Variants in LYPD6B observed in about 807,000 individuals in gnomAD.
LYPD6B encodes the protein ly6/PLAUR domain-containing protein 6B.
LYPD6B carries 17 observed loss-of-function variants against 22.8 expected under a neutral mutation model. The observed-to-expected ratio is 0.75, with a 90% CI of 0.51 to 1.12. The LOEUF is 1.12. LYPD6B is among the 50% of genes most tolerant of loss of function. LYPD6B has a pLI of 0.00. For synonymous variants in LYPD6B, 106 were observed against 91.6 expected (o/e 1.16, Z -0.90); for missense variants, 221 against 258.3 (o/e 0.86, Z 0.99).
intron 1 of LYPD6B, among the ~76,000 whole-genome samples, chr2:149,128,226 C>G (rs1272846505): frequency 6.6e-6 from 1 of 152,098 alleles, no homozygotes; most frequent in Non-Finnish European, 1.5e-5. Flanking sequence ...TCACATCTGT[C>G]ATGTAACAAA....
chr2:149,167,193 A>G (rs1038946790), intron 3 of LYPD6B, among the ~76,000 whole-genome samples: 1 of 152,010 alleles, frequency 6.6e-6, no homozygotes. Flanking sequence ...CTCTCTCCAA[A>G]CAGTATTTTA....
At chr2:149,185,469 A>G (rs1385161758) in intron 3 of LYPD6B, among the ~76,000 whole-genome samples, 2 of 152,174 alleles carry the variant, frequency 1.3e-5, no homozygotes, top group Non-Finnish European at 1.5e-5. Flanking sequence ...GTTTTGGCAT[A>G]GGTGGTTTTA....
chr2:149,145,571 A>G (rs2105794799), intron 2 of LYPD6B, among the ~76,000 whole-genome samples: 2 of 152,336 alleles, frequency 1.3e-5, no homozygotes, highest in East Asian at 1.9e-4. Context: ...CAGGAGGGTC[A>G]CAAGGAAGGG....
intron 1 of LYPD6B, among the ~76,000 whole-genome samples, chr2:149,106,151 C>T (rs1381857256): frequency 6.6e-6 from 1 of 151,886 alleles, no homozygotes; most frequent in Admixed American, 6.6e-5. Context: ...CCTATGTGTT[C>T]ATGATATATT....
chr2:149,073,242 A>G (rs1465913531), intron 1 of LYPD6B, among the ~76,000 whole-genome samples: 2 of 152,188 alleles, frequency 1.3e-5, no homozygotes, highest in Non-Finnish European at 1.5e-5. Flanking sequence ...GGCCCAGCCC[A>G]GTATATCTCT....
At chr2:149,039,956 A>G (rs1417061626) in intron 1 of LYPD6B, among the ~76,000 whole-genome samples, 1 of 152,214 alleles carries the variant, frequency 6.6e-6, no homozygotes, top group African/African-American at 2.4e-5. Context: ...ATTGGGTCAC[A>G]TAAATGAAAA....
At chr2:149,194,025 T>C (rs1207258239) in intron 3 of LYPD6B, among the ~76,000 whole-genome samples, 1 of 152,208 alleles carries the variant, frequency 6.6e-6, no homozygotes, top group Non-Finnish European at 1.5e-5. Context: ...TATTTAATGA[T>C]GTGCTTTAGT....
intron 1 of LYPD6B, among the ~76,000 whole-genome samples, chr2:149,093,435 C>T (rs1315060003): frequency 1.3e-5 from 2 of 152,138 alleles, no homozygotes; most frequent in African/African-American, 4.8e-5. Flanking sequence ...TAAGACTGGG[C>T]ACAGTATTCG....
intron 5 of LYPD6B, among the ~76,000 whole-genome samples, chr2:149,209,975 A>G (rs77436732): frequency 0.27 from 40,831 of 151,978 alleles, 5,998 homozygotes; most frequent in Non-Finnish European, 0.31. Flanking sequence ...GCTTCTCTTT[A>G]CTAATTTATT....
At chr2:149,120,361 G>GTGTATA (rs796413041) in intron 1 of LYPD6B, among the ~76,000 whole-genome samples, 19 of 38,750 alleles carry the variant, frequency 4.9e-4, no homozygotes, top group African/African-American at 1.1e-3. Context: ...GTGTGTGTGT[G>GTGTATA]TATATATATA....
intron 3 of LYPD6B, among the ~76,000 whole-genome samples, chr2:149,180,034 G>A (rs1168377761): frequency 6.6e-6 from 1 of 152,152 alleles, no homozygotes; most frequent in Non-Finnish European, 1.5e-5. Flanking sequence ...TGTAACTGGC[G>A]AGAAACTGGG....
chr2:149,214,387 G>A (rs1045718672), intron 6 of LYPD6B, among the ~76,000 whole-genome samples, 159 bp from the exon 7 acceptor site: 3 of 152,106 alleles, frequency 2.0e-5, no homozygotes, highest in Non-Finnish European at 2.9e-5. Context: ...ATTGGTGGGG[G>A]AAGGGTACCC....
rs756231777 is a variant in LYPD6B, at chr2:149,213,087, G to T, written c.424G>T (p.Val142Phe). 2.1e-5 allele frequency: 34 copies of T among 1,613,894 alleles called. No individual in the cohort carries two copies. Among genetic ancestry groups the T allele is most frequent in the Middle Eastern group, 3.3e-4 (2 of 6,062 alleles). ...TGCCTCCAGAAGTGAATGTCATTTT[G>T]TCGGTTGCCACCACAGCCGAGATTC... is the stretch of plus-strand genomic sequence containing the variant. ...KCASRSECHF[V>F]GCHHSRDSEH... Residue 142 changes from valine (V) to phenylalanine (F), a missense_variant, in exon 6 of 7, where the codon GTC becomes TTC. Physicochemically the swap from Val to Phe is conservative, Grantham distance 50. Coordinates refer to ENST00000409642, the MANE Select transcript of LYPD6B (RefSeq NM_177964.5).
chr2:149,110,362 C>T (rs887123931), intron 1 of LYPD6B, among the ~76,000 whole-genome samples: 2 of 151,944 alleles, frequency 1.3e-5, no homozygotes, highest in Admixed American at 6.6e-5. Flanking sequence ...TCTTATCATG[C>T]CTACTAATCT....
intron 3 of LYPD6B, among the ~76,000 whole-genome samples, chr2:149,198,236 G>A (rs2106105332): frequency 6.6e-6 from 1 of 152,056 alleles, no homozygotes; most frequent in South Asian, 2.1e-4. Context: ...TAAAGACAGG[G>A]TTTCACCATG....
chr2:149,123,824 C>A (rs1033060647), intron 1 of LYPD6B, among the ~76,000 whole-genome samples: 8 of 152,212 alleles, frequency 5.3e-5, no homozygotes, highest in African/African-American at 1.7e-4. Context: ...TGCGCCACTG[C>A]ACTCCAGCCT....
intron 1 of LYPD6B, among the ~76,000 whole-genome samples, chr2:149,124,718 A>AT (rs577079826): frequency 4.8e-4 from 73 of 151,960 alleles, no homozygotes; most frequent in Non-Finnish European, 8.5e-4. Flanking sequence ...TGTGTTATGC[A>AT]TTTTTTTTCC....
At chr2:149,071,783 G>C (rs1386714225) in intron 1 of LYPD6B, among the ~76,000 whole-genome samples, 1 of 152,146 alleles carries the variant, frequency 6.6e-6, no homozygotes, top group Non-Finnish European at 1.5e-5. Flanking sequence ...GGGAATCAAA[G>C]AGCCACGAAG....
intron 3 of LYPD6B, among the ~76,000 whole-genome samples, chr2:149,168,194 A>G (rs1183899201): frequency 1.4e-5 from 2 of 142,924 alleles, no homozygotes; most frequent in African/African-American, 5.4e-5. Context: ...CCTGGGCAAC[A>G]GAGTGAGGCT....
Sources: allele counts gnomAD v4.1 joint callset (sites outside exome capture counted in the v4.1 genomes callset), GRCh38; gene constraint gnomAD v4.1.1; transcripts MANE v1.5; gene names NCBI Gene and HGNC (gene_info 2026-07-23, HGNC 2026-07-21).